MAP7: variants seen among roughly 807,000 people sequenced by gnomAD.
MAP7 encodes the protein microtubule associated protein 7.
MAP7 carries 52 observed loss-of-function variants against 94.8 expected under a neutral mutation model. The observed-to-expected ratio is 0.55, with a 90% CI of 0.44 to 0.69. The LOEUF (loss-of-function observed/expected upper bound fraction) is 0.69, where lower values mean the gene tolerates loss of function less well. Ranked by LOEUF, MAP7 falls within the 30% of genes least tolerant of loss-of-function variation. The pLI, the probability that MAP7 is intolerant of heterozygous loss-of-function variation, is 0.00. For synonymous variants in MAP7, 350 were observed against 357.0 expected, an observed-to-expected ratio of 0.98 and a Z score of 0.22; for missense variants, 940 against 964.6, an observed-to-expected ratio of 0.97 and a Z score of 0.34.
At chr6:136,456,767 GGAAGAAGAA>G (rs1554259489) in intron 1 of MAP7, among the ~76,000 whole-genome samples, 18 of 60,516 alleles carry the variant, frequency 3.0e-4, no homozygotes, top group Admixed American at 1.4e-3. Flanking sequence ...AGGAGGAGGA[GGAAGAAGAA>G]GAAGAAGAAG....
intron 1 of MAP7, among the ~76,000 whole-genome samples, chr6:136,532,441 A>G (rs551029622): frequency 1.6e-3 from 249 of 152,336 alleles, no homozygotes; most frequent in African/African-American, 5.7e-3. Flanking sequence ...TTAAAGGTTA[A>G]CATATGGAAG....
chr6:136,361,000 C>A lies in MAP7; in HGVS notation c.1701+5G>T, dbSNP rs756689762. On this transcript the variant is annotated splice_donor_5th_base_variant and intron_variant, in intron 12 of 17. Coordinates refer to ENST00000354570, the MANE Select transcript of MAP7 (RefSeq NM_003980.6). ...GGCCGGGGCCAGGGTGGGGTGCGGC[C>A]GCACCTGCCTCTGGGCGCGCTCTGC... 38 of 1,563,024 alleles carry A rather than the reference C, an allele frequency of 2.4e-5. No individual in the cohort carries two copies. In the African/African-American group the frequency reaches 4.9e-4, roughly 20 times the overall value.
rs147584675 is a variant in MAP7, at chr6:136,508,851, G to A, written c.67+41491C>T. Among the ~76,000 whole-genome samples the A allele has an allele frequency of 5.8e-3, 886 of 152,278 alleles. 3 individuals carry two copies. The highest frequency in any genetic ancestry group is 9.3e-3 in the Non-Finnish European group (633 of 68,020). ...TAATCTTGGAAGAAACCAAATCCGG[G>A]ATGCTGGGAATGACTACATAGGTTT... On this transcript the variant is annotated intron_variant, in intron 1 of 17. Transcript: ENST00000354570.
chr6:136,344,590 G>A (rs1251022696), intron 17 of MAP7, among the ~76,000 whole-genome samples: 1 of 152,174 alleles, frequency 6.6e-6, no homozygotes. Flanking sequence ...TTAAATAAAT[G>A]TTGATAAATC....
chr6:136,500,475 G>T (rs1819522606), intron 1 of MAP7, among the ~76,000 whole-genome samples: 1 of 152,162 alleles, frequency 6.6e-6, no homozygotes, highest in Non-Finnish European at 1.5e-5. Context: ...CTGTTGCATA[G>T]AATTGCCCTA....
intron 1 of MAP7, among the ~76,000 whole-genome samples, chr6:136,456,902 C>A (rs1227251144): frequency 1.4e-5 from 2 of 145,580 alleles, no homozygotes; most frequent in Non-Finnish European, 3.0e-5. Flanking sequence ...AAACATTATA[C>A]CACCAAAGAG....
intron 3 of MAP7, among the ~76,000 whole-genome samples, chr6:136,395,284 T>G (rs1782107891): frequency 6.6e-6 from 1 of 152,000 alleles, no homozygotes; most frequent in South Asian, 2.1e-4. Flanking sequence ...TATGTCTCAT[T>G]GTGATTTTGA....
At chr6:136,386,959 T>C (rs1354181502) in intron 5 of MAP7, among the ~76,000 whole-genome samples, 3 of 151,826 alleles carry the variant, frequency 2.0e-5, no homozygotes, top group African/African-American at 4.8e-5. Context: ...TATAGGAACA[T>C]GCCACCATGC....
At chr6:136,540,533 A>G (rs1439820830) in intron 1 of MAP7, among the ~76,000 whole-genome samples, 2 of 152,216 alleles carry the variant, frequency 1.3e-5, no homozygotes, top group African/African-American at 4.8e-5. Context: ...TAGCTATTCA[A>G]TTGTACTCAT....
At chr6:136,452,963 A>G (rs1219312559) in intron 1 of MAP7, among the ~76,000 whole-genome samples, 2 of 152,240 alleles carry the variant, frequency 1.3e-5, no homozygotes, top group African/African-American at 4.8e-5. Flanking sequence ...CCAAAAAATT[A>G]GTGTGACTGC....
intron 2 of MAP7, among the ~76,000 whole-genome samples, chr6:136,415,694 T>G (rs1426059327): frequency 6.6e-6 from 1 of 152,260 alleles, no homozygotes; most frequent in Non-Finnish European, 1.5e-5. Flanking sequence ...ACTCTTCGCA[T>G]GTAACAAACT....
chr6:136,512,300 T>A (rs1823521298), intron 1 of MAP7, among the ~76,000 whole-genome samples: 1 of 152,270 alleles, frequency 6.6e-6, no homozygotes, highest in Admixed American at 6.5e-5. Flanking sequence ...TAAGAGGTCT[T>A]GAATCAGCAC....
At chr6:136,370,284 G>A (rs1774050979) in intron 8 of MAP7, among the ~76,000 whole-genome samples, 1 of 152,214 alleles carries the variant, frequency 6.6e-6, no homozygotes, top group African/African-American at 2.4e-5. Flanking sequence ...TGGCGAGAAT[G>A]TGGAGATACA....
At chr6:136,516,876 A>G (rs138316178) in intron 1 of MAP7, among the ~76,000 whole-genome samples, 87 of 152,238 alleles carry the variant, frequency 5.7e-4, no homozygotes, top group African/African-American at 2.0e-3. Flanking sequence ...CACTGGCAGA[A>G]ACCTGTCCAT....
chr6:136,480,468 C>G (rs925375380), intron 1 of MAP7, among the ~76,000 whole-genome samples: 1 of 151,466 alleles, frequency 6.6e-6, no homozygotes, highest in African/African-American at 2.4e-5. Context: ...CGGTGAAACC[C>G]CATCTCTACT....
intron 2 of MAP7, 80 bp downstream of exon 2, chr6:136,421,621 A>C: frequency 7.5e-7 from 1 of 1,339,802 alleles, no homozygotes; most frequent in Non-Finnish European, 1.1e-6. Context: ...TAAACAAATT[A>C]AACCTTTATA....
chr6:136,524,579 C>T (rs1827313260), intron 1 of MAP7, among the ~76,000 whole-genome samples: 1 of 152,164 alleles, frequency 6.6e-6, no homozygotes. Flanking sequence ...CAGACAGGAG[C>T]CAGGTCTGAT....
intron 1 of MAP7, among the ~76,000 whole-genome samples, chr6:136,502,782 C>A (rs1820172139): frequency 6.6e-6 from 1 of 152,154 alleles, no homozygotes; most frequent in Non-Finnish European, 1.5e-5. Flanking sequence ...GGAATTCAGA[C>A]TGCACTCTTA....
chr6:136,372,916 G>A (rs1775001285), intron 7 of MAP7, among the ~76,000 whole-genome samples: 1 of 152,210 alleles, frequency 6.6e-6, no homozygotes, highest in Admixed American at 6.5e-5. Context: ...AATGAAAGAT[G>A]TAGAAGTAAT....
Sources: gnomAD v4.1 joint callset for allele counts (sites outside exome capture counted in the v4.1 genomes callset) on GRCh38, gnomAD v4.1.1 for gene constraint, MANE v1.5 for transcripts, NCBI Gene and HGNC (gene_info 2026-07-23, HGNC 2026-07-21) for gene names.